Variants in AUTS2 observed in about 807,000 individuals in gnomAD.
The protein encoded by AUTS2 is activator of transcription and developmental regulator AUTS2.
A neutral mutation model predicts 112.4 loss-of-function variants in AUTS2; 17 were observed. The ratio of observed to expected loss-of-function variants is 0.15; its 90% confidence interval spans 0.10 to 0.23. The LOEUF is 0.23. Among genes scored for constraint, AUTS2 ranks in the 10% least tolerant of loss-of-function variants. AUTS2 has a pLI of 1.00. For synonymous variants in AUTS2, 751 were observed against 702.7 expected (o/e 1.07, Z -1.09); for missense variants, 1,510 against 1,701.6 (o/e 0.89, Z 1.98).
At chr7:70,713,462 A>C (rs1230858878) in intron 6 of AUTS2, among the ~76,000 whole-genome samples, 1 of 152,246 alleles carries the variant, frequency 6.6e-6, no homozygotes, top group Non-Finnish European at 1.5e-5. Flanking sequence ...AAAACTCTTA[A>C]GAAGTTTAAG....
intron 5 of AUTS2, among the ~76,000 whole-genome samples, chr7:70,675,122 A>G (rs897265662): frequency 2.0e-5 from 3 of 152,054 alleles, no homozygotes; most frequent in Admixed American, 6.6e-5. Context: ...CCTACCTCCA[A>G]TCGTAGAAAA....
At chr7:70,124,802 C>G (rs1453490834) in intron 3 of AUTS2, among the ~76,000 whole-genome samples, 1 of 152,144 alleles carries the variant, frequency 6.6e-6, no homozygotes, top group East Asian at 1.9e-4. Flanking sequence ...ACCTCGTGAT[C>G]CGCCCGCCTT....
chr7:70,277,243 A>G (rs930633828), intron 4 of AUTS2, among the ~76,000 whole-genome samples: 24 of 152,172 alleles, frequency 1.6e-4, no homozygotes, highest in Middle Eastern at 3.2e-3. Context: ...GATTGTGAAG[A>G]TAGAATATAA....
chr7:69,784,281 A>C (rs1413269795), intron 1 of AUTS2, among the ~76,000 whole-genome samples: 1 of 152,214 alleles, frequency 6.6e-6, no homozygotes, highest in Non-Finnish European at 1.5e-5. Context: ...GCCACTTGGA[A>C]TAATCTAAAA....
intron 1 of AUTS2, among the ~76,000 whole-genome samples, chr7:69,861,715 A>G (rs1229229455): frequency 6.6e-6 from 1 of 152,228 alleles, no homozygotes; most frequent in African/African-American, 2.4e-5. Context: ...TAATTCAGAT[A>G]AATGATTATT....
intron 2 of AUTS2, among the ~76,000 whole-genome samples, chr7:70,007,407 CT>C (rs1373011855): frequency 6.6e-6 from 1 of 151,630 alleles, no homozygotes. Flanking sequence ...TTCCTTGTAG[CT>C]TTTTTTTAGA....
At position 70,531,361 on chromosome 7, in the gene AUTS2, G is replaced by A. The variant is rs566444192; in HGVS notation, c.690+95580G>A. Among the ~76,000 whole-genome samples the A allele has an allele frequency of 3.9e-5, 6 of 152,318 alleles. No homozygotes were observed. In the East Asian group the frequency reaches 7.7e-4, roughly 20 times the overall value. Reference sequence around the variant, plus strand: ...GCCTGCAGACAGCTAGATCCTGTGCGTGAGGGTTGTCTTAGTCCATTTTAT... The same window carrying A: ...GCCTGCAGACAGCTAGATCCTGTGCATGAGGGTTGTCTTAGTCCATTTTAT... On this transcript the variant is annotated intron_variant, in intron 5 of 18. Transcript: ENST00000342771.
rs776135468 is a variant in AUTS2 at position 70,776,988 on chromosome 7, C to G, written c.1933-115C>G. On this transcript the variant is annotated intron_variant, in intron 13 of 18. Transcript: ENST00000342771. ...AGGCACTTGGAGAGTACAAAGCACT[C>G]TTGTTTCACGAAAAAAGCCTCTGCA... The G allele has an allele frequency of 8.2e-4, 769 of 936,242 alleles. 2 individuals are homozygous for G. The highest frequency in any genetic ancestry group is 1.2e-3 in the Non-Finnish European group (689 of 580,436). 58.0% of individuals were successfully genotyped at this position (936,242 alleles called of 1,614,324 possible). A position where few individuals can be genotyped will look rare whatever the true frequency, so the allele number is the denominator to read the frequency against.
At chr7:70,228,613 T>C (rs1309538234) in intron 4 of AUTS2, among the ~76,000 whole-genome samples, 1 of 151,964 alleles carries the variant, frequency 6.6e-6, no homozygotes, top group African/African-American at 2.4e-5. Flanking sequence ...ACATGCATTC[T>C]ACCTTAACAC....
chr7:70,772,358 C>T (rs774524697), intron 11 of AUTS2, among the ~76,000 whole-genome samples: 3 of 152,248 alleles, frequency 2.0e-5, no homozygotes, highest in Non-Finnish European at 4.4e-5. Flanking sequence ...GCGTTGGCTA[C>T]AGCTGTCTCT....
At chr7:70,778,947 T>G (rs1790882617) in intron 14 of AUTS2, among the ~76,000 whole-genome samples, 1 of 152,226 alleles carries the variant, frequency 6.6e-6, no homozygotes, top group Non-Finnish European at 1.5e-5. Context: ...CCCATAAAAG[T>G]GTCCCCAGTG....
intron 5 of AUTS2, among the ~76,000 whole-genome samples, chr7:70,508,286 A>G (rs1799050517): frequency 1.3e-5 from 2 of 151,816 alleles, no homozygotes; most frequent in African/African-American, 4.9e-5. Flanking sequence ...GGGTAGGGAG[A>G]GAAGGAAAGA....
intron 2 of AUTS2, among the ~76,000 whole-genome samples, chr7:70,041,560 C>T (rs1472695036): frequency 6.6e-6 from 1 of 152,154 alleles, no homozygotes. Flanking sequence ...CTTAGCTTAT[C>T]TGTATACTCA....
At chr7:70,540,827 C>T (rs909390015) in intron 5 of AUTS2, among the ~76,000 whole-genome samples, 5 of 152,114 alleles carry the variant, frequency 3.3e-5, no homozygotes, top group African/African-American at 4.8e-5. Flanking sequence ...CATGACAGAA[C>T]GTCAGAGTTG....
At chr7:69,952,571 G>T (rs1429103120) in intron 2 of AUTS2, among the ~76,000 whole-genome samples, 2 of 152,156 alleles carry the variant, frequency 1.3e-5, no homozygotes, top group Non-Finnish European at 2.9e-5. Flanking sequence ...TTGGGCATGA[G>T]TTTCTGCCTC....
intron 1 of AUTS2, among the ~76,000 whole-genome samples, chr7:69,886,595 C>G (rs1025996742): frequency 6.6e-6 from 1 of 152,114 alleles, no homozygotes; most frequent in Admixed American, 6.6e-5. Context: ...GACAGAATGT[C>G]TCTCTCTTCC....
intron 2 of AUTS2, among the ~76,000 whole-genome samples, chr7:69,956,399 C>T (rs932353295): frequency 2.6e-5 from 4 of 151,996 alleles, no homozygotes; most frequent in African/African-American, 9.7e-5. Context: ...CTAATATTTC[C>T]TTTTCTGTTT....
rs1013934238 is a variant in AUTS2 at position 70,694,052 on chromosome 7, G to A, written c.691-4517G>A. The A allele has an allele frequency of 6.6e-6, 1 of 151,594 alleles. No individual in the cohort carries two copies. Among genetic ancestry groups the A allele is most frequent in the East Asian group, 1.9e-4 (1 of 5,162 alleles). The allele number at this position is 151,594 out of a possible 1,614,324, so 9.4% of individuals were successfully genotyped here. On this transcript the variant is annotated intron_variant, in intron 5 of 18. Transcript: ENST00000342771. This position sits in a 1 kb window ranked among gnomAD's most constrained non-coding sequence, Gnocchi z 4.1. ...GCGCGCCGAGGAAGTCCCGCTCCGA[G>A]AGCTGCGAGCGTCTGGAGGAGGCGC...
chr7:70,738,093 TCA>T (rs1787874265), intron 6 of AUTS2, among the ~76,000 whole-genome samples: 1 of 152,206 alleles, frequency 6.6e-6, no homozygotes, highest in Admixed American at 6.5e-5. Context: ...TTCCTGCGTC[TCA>T]CAGTGCAGTT....
Sources: allele counts gnomAD v4.1 joint callset (sites outside exome capture counted in the v4.1 genomes callset), GRCh38; gene constraint gnomAD v4.1.1; non-coding constraint Gnocchi (gnomAD v3.1); transcripts MANE v1.5; gene names NCBI Gene and HGNC (gene_info 2026-07-23, HGNC 2026-07-21).